The following PCNT variants were observed in gnomAD, a reference collection of about 807,000 sequenced individuals.
PCNT encodes pericentrin.
Under a neutral mutation model 380.4 loss-of-function variants are expected in PCNT, and 319 were observed. That is an observed-to-expected ratio of 0.84 (90% CI 0.77 to 0.92). PCNT has a LOEUF of 0.92. Ranked by LOEUF, PCNT falls within the 40% of genes least tolerant of loss-of-function variation. PCNT has a pLI of 0.00. For missense variants in PCNT, 4,400 were observed against 4,255.3 expected (o/e 1.03, Z -0.95); for synonymous variants, 1,845 against 1,735.2 (o/e 1.06, Z -1.57).
At chr21:46,399,081 A>G (rs892945397) in intron 24 of PCNT, among the ~76,000 whole-genome samples, 7 of 149,860 alleles carry the variant, frequency 4.7e-5, no homozygotes, top group African/African-American at 1.7e-4. Flanking sequence ...AGCCTCCCAG[A>G]GTGCTGGGAT....
chr21:46,346,694 C>T, intron 4 of PCNT, 49 bp from the exon 5 acceptor site: 1 of 1,569,048 alleles, frequency 6.4e-7, no homozygotes, highest in African/African-American at 1.3e-5. Flanking sequence ...CCCTGATGCG[C>T]CCTGGTTCTG....
intron 1 of PCNT, among the ~76,000 whole-genome samples, chr21:46,325,818 C>T (rs1229851357): frequency 6.6e-6 from 1 of 152,188 alleles, no homozygotes; most frequent in Non-Finnish European, 1.5e-5. Flanking sequence ...GGGCGATGCT[C>T]TGTGGATGTC....
At chr21:46,368,834 T>C (rs1027624008) in intron 15 of PCNT, among the ~76,000 whole-genome samples, 1 of 152,212 alleles carries the variant, frequency 6.6e-6, no homozygotes, top group Admixed American at 6.5e-5. Context: ...GTTTAAGAAG[T>C]ACACGTTCCA....
At chr21:46,431,236 G>T (rs2087750259) in intron 37 of PCNT, 3 of 1,274,688 alleles carry the variant, frequency 2.4e-6, no homozygotes, top group African/African-American at 1.5e-5. Flanking sequence ...TTTCTGGAGA[G>T]GGGGCGGGCA....
At chr21:46,427,879 G>T in intron 34 of PCNT, 84 bp downstream of exon 34, 2 of 1,464,972 alleles carry the variant, frequency 1.4e-6, no homozygotes, top group South Asian at 2.3e-5. Flanking sequence ...TGTTTTGTGT[G>T]TGAATTTCGG....
intron 8 of PCNT, among the ~76,000 whole-genome samples, chr21:46,350,955 A>G (rs997195118): frequency 2.6e-5 from 4 of 152,230 alleles, no homozygotes; most frequent in Non-Finnish European, 5.9e-5. Context: ...GATTGTACAG[A>G]AAAGTTTAGT....
intron 43 of PCNT, among the ~76,000 whole-genome samples, chr21:46,441,631 C>T (rs191994628): frequency 2.8e-4 from 42 of 152,240 alleles, no homozygotes; most frequent in Admixed American, 7.9e-4. Context: ...CACTTTGTCT[C>T]CTCGTCTCTG....
intron 1 of PCNT, among the ~76,000 whole-genome samples, chr21:46,324,515 G>A (rs1328326012): frequency 1.3e-5 from 2 of 150,930 alleles, no homozygotes; most frequent in Non-Finnish European, 3.0e-5. Context: ...TCAGCGGCCG[G>A]GACGCGCGGC....
chr21:46,384,458 G>A (rs1362197366), intron 16 of PCNT, among the ~76,000 whole-genome samples: 3 of 143,654 alleles, frequency 2.1e-5, no homozygotes, highest in African/African-American at 2.5e-5. Flanking sequence ...GCGCATTCAC[G>A]GTGTTGTGCA....
Position 46,407,848 on chromosome 21 carries a change from T to C in PCNT, c.5116-3341T>C, listed in dbSNP as rs529439041. Among the ~76,000 whole-genome samples the C allele has an allele frequency of 2.6e-5, 4 of 152,312 alleles. 1 individual carries two copies. The highest frequency in any genetic ancestry group is 9.6e-5 in the African/African-American group (4 of 41,580). Reference sequence around the variant, plus strand: ...GAATCAGCTTTTGGCTCTGATACTTTTCTCTCTTTATTTCTTTGATTTCTC... The same window carrying C: ...GAATCAGCTTTTGGCTCTGATACTTCTCTCTCTTTATTTCTTTGATTTCTC... On this transcript the variant is annotated intron_variant, in intron 27 of 46. Transcript: ENST00000359568.
intron 38 of PCNT, among the ~76,000 whole-genome samples, chr21:46,435,126 G>T (rs1284494798): frequency 6.6e-6 from 1 of 152,236 alleles, no homozygotes; most frequent in Admixed American, 6.5e-5. Context: ...GACCACAGGG[G>T]CTGCCTGCCC....
chr21:46,384,802 GTGT>G (rs147115824), intron 16 of PCNT, among the ~76,000 whole-genome samples: 1,709 of 151,924 alleles, frequency 0.011, 27 homozygotes, highest in African/African-American at 0.038. Context: ...TGCATTCATG[GTGT>G]TGTGCGTTGA....
chr21:46,366,732 G>T lies in PCNT; in HGVS notation c.2758G>T (p.Glu920Ter). Reference protein sequence around the residue: ...QQLLSVTAELEARHQAALGEL... With the variant: ...QQLLSVTAEL ...GCTCCTGTCAGTGACGGCGGAGCTC[G>T]AGGCCAGACACCAGGCCGCGTTGGG... The change falls in exon 15 of 47, where the codon GAG (glutamate) becomes TAG (stop). Residue 920 changes from glutamate to a stop codon, truncating the protein, a stop_gained. Coordinates refer to ENST00000359568, the MANE Select transcript of PCNT (RefSeq NM_006031.6). LOFTEE classifies it high-confidence loss of function. 1 of 1,613,616 alleles carries T rather than the reference G, an allele frequency of 6.2e-7. No individual in the cohort carries two copies. The highest frequency in any genetic ancestry group is 8.5e-7 in the Non-Finnish European group (1 of 1,180,044).
rs554767178 is a variant in PCNT at position 46,382,840 on chromosome 21, G to A, written c.3312+1000G>A. Among the ~76,000 whole-genome samples, 478 of 119,436 alleles carry A rather than the reference G, an allele frequency of 4.0e-3. 83 individuals are homozygous for A. Among genetic ancestry groups the A allele is most frequent in the African/African-American group, 0.018 (450 of 25,082 alleles). 78.4% of individuals were successfully genotyped at this position (119,436 alleles called of 152,430 possible). A position where few individuals can be genotyped will look rare whatever the true frequency, so the allele number is the denominator to read the frequency against. Reference sequence around the variant, plus strand: ...GGCGGAAGCGCATTCACGGTGTTGTGCGTTCAGTGGCGGAAGCCCATTCAT... The same window carrying A: ...GGCGGAAGCGCATTCACGGTGTTGTACGTTCAGTGGCGGAAGCCCATTCAT... On this transcript the variant is annotated intron_variant, in intron 16 of 46. Transcript: ENST00000359568.
Position 46,334,544 on chromosome 21 carries a change from C to G in PCNT, c.415C>G (p.Pro139Ala). Residue 139 changes from proline to alanine, a missense_variant, in exon 3 of 47, where the codon CCA (proline) becomes GCA (alanine). Physicochemically the swap from Pro to Ala is conservative, Grantham distance 27 (BLOSUM62 -1). Transcript: ENST00000359568. ...TGGGATGTTCACAGTCGGTGACCAC[C>G]CACCAGAACAGCGTGGGATGTTCAC... The part of the protein sequence containing the change: ...QHGMFTVGDH[P>A]PEQRGMFTVS... 1 of 1,599,756 alleles carries G rather than the reference C, an allele frequency of 6.3e-7. No homozygotes were observed. Among genetic ancestry groups the G allele is most frequent in the Non-Finnish European group, 8.5e-7 (1 of 1,169,974 alleles).
intron 1 of PCNT, chr21:46,324,952 C>G: frequency 1.0e-6 from 1 of 981,652 alleles, no homozygotes; most frequent in African/African-American, 1.8e-5. Flanking sequence ...TCTTCCCGCG[C>G]CCTTGGGCTC....
chr21:46,434,738 G>A (rs2087896044), intron 38 of PCNT, among the ~76,000 whole-genome samples: 1 of 152,228 alleles, frequency 6.6e-6, no homozygotes, highest in Non-Finnish European at 1.5e-5. Flanking sequence ...TCAGGCCCAC[G>A]TGGCCACCCA....
intron 33 of PCNT, 28 bp from the exon 34 acceptor site, chr21:46,427,594 A>G: frequency 6.2e-7 from 1 of 1,613,628 alleles, no homozygotes; most frequent in Non-Finnish European, 8.5e-7. Flanking sequence ...ATTTGTGAGG[A>G]CGCCACGTTT....
chr21:46,324,331 G>A lies in PCNT; in HGVS notation c.54+49G>A, dbSNP rs750064193. On this transcript the variant is annotated intron_variant, in intron 1 of 46. Coordinates refer to ENST00000359568, the MANE Select transcript of PCNT (RefSeq NM_006031.6). ...TAGCTGCTCTGGCGTGAAGTCCTAA[G>A]GGCGGCTCCGGTGCCCGCCACCGCC... 5 of 1,474,926 alleles carry A rather than the reference G, an allele frequency of 3.4e-6. No individual in the cohort carries two copies. In the East Asian group the frequency reaches 1.2e-4, roughly 35 times the overall value. 91.4% of individuals were successfully genotyped at this position (1,474,926 alleles called of 1,614,324 possible). A position where few individuals can be genotyped will look rare whatever the true frequency, so the allele number is the denominator to read the frequency against.
Sources: allele counts gnomAD v4.1 joint callset (sites outside exome capture counted in the v4.1 genomes callset), GRCh38; gene constraint gnomAD v4.1.1; transcripts MANE v1.5; gene names NCBI Gene and HGNC (gene_info 2026-07-23, HGNC 2026-07-21).